Variants in CDKN2B-AS1 observed in about 807,000 individuals in gnomAD.
CDKN2B-AS1 encodes CDKN2B antisense RNA 1 (non-protein coding).
chr9:22,068,628 G>C (rs1266420089), intron 4 of CDKN2B-AS1, among the ~76,000 whole-genome samples: 1 of 152,138 alleles, frequency 6.6e-6, no homozygotes, highest in African/African-American at 2.4e-5. Flanking sequence ...GTAGTGTGTG[G>C]TCTTTAAGTG....
At chr9:22,127,546 C>T (rs1226494521) in exon 5 of CDKN2B-AS1, among the ~76,000 whole-genome samples, 1 of 152,098 alleles carries the variant, frequency 6.6e-6, no homozygotes, top group African/African-American at 2.4e-5. Context: ...CATTGTTTAA[C>T]AGAGAAGGAT....
intron 4 of CDKN2B-AS1, among the ~76,000 whole-genome samples, chr9:22,083,460 T>C (rs1824767390): frequency 6.6e-6 from 1 of 152,240 alleles, no homozygotes; most frequent in African/African-American, 2.4e-5. Context: ...GAAGGTATAC[T>C]ACAACAGTGG....
At chr9:22,068,556 C>A (rs1370801036) in intron 4 of CDKN2B-AS1, among the ~76,000 whole-genome samples, 2 of 152,130 alleles carry the variant, frequency 1.3e-5, no homozygotes, top group African/African-American at 4.8e-5. Flanking sequence ...GGTGTAGTTT[C>A]TGTAGCAGAA....
At chr9:22,021,780 A>C (rs1475728472) in intron 1 of CDKN2B-AS1, among the ~76,000 whole-genome samples, 1 of 151,978 alleles carries the variant, frequency 6.6e-6, no homozygotes, top group African/African-American at 2.4e-5. Context: ...GGATGCCTTT[A>C]TTTCTTTCTC....
chr9:22,109,745 C>G (rs1447347557), intron 4 of CDKN2B-AS1, among the ~76,000 whole-genome samples: 1 of 152,062 alleles, frequency 6.6e-6, no homozygotes, highest in Non-Finnish European at 1.5e-5. Flanking sequence ...AGAGATCATT[C>G]AAAAGTATTA....
chr9:22,025,866 C>G (rs1010155913), intron 1 of CDKN2B-AS1, among the ~76,000 whole-genome samples: 6 of 152,184 alleles, frequency 3.9e-5, no homozygotes, highest in Non-Finnish European at 7.4e-5. Flanking sequence ...TTGTGCCATA[C>G]TGGGGGTATG....
In CDKN2B-AS1 at chr9:22,093,654, T is replaced by G. The variant is rs569438829; in HGVS notation, n.439-33449T>G. On this transcript the variant is annotated intron_variant and non_coding_transcript_variant, in intron 4 of 4. Coordinates refer to ENST00000650946, the Ensembl canonical transcript of CDKN2B-AS1. ...TAGGATTGCAACCCCTGCCTTTTTT[T>G]GTTTTCCATTTGCTTGGTAGATCTT... Among the ~76,000 whole-genome samples the G allele has an allele frequency of 2.8e-4, 40 of 140,982 alleles. 1 individual carries two copies. Among genetic ancestry groups the G allele is most frequent in the South Asian group, 2.6e-3 (12 of 4,566 alleles). 92.5% of individuals were successfully genotyped at this position (140,982 alleles called of 152,430 possible). A position where few individuals can be genotyped will look rare whatever the true frequency, so the allele number is the denominator to read the frequency against.
chr9:22,082,704 G>A (rs377525941), intron 4 of CDKN2B-AS1, among the ~76,000 whole-genome samples: 2 of 152,148 alleles, frequency 1.3e-5, no homozygotes, highest in African/African-American at 4.8e-5. Flanking sequence ...TAGTAAATTG[G>A]GAACTATAGA....
At chr9:22,028,726 T>C (rs1327122236) in intron 1 of CDKN2B-AS1, among the ~76,000 whole-genome samples, 1 of 152,168 alleles carries the variant, frequency 6.6e-6, no homozygotes, top group African/African-American at 2.4e-5. Flanking sequence ...ATCAGATTCA[T>C]TTATAAAACA....
intron 4 of CDKN2B-AS1, among the ~76,000 whole-genome samples, chr9:22,082,753 G>A (rs1455916621): frequency 2.0e-5 from 3 of 152,196 alleles, no homozygotes; most frequent in Admixed American, 1.3e-4. Context: ...TTCATGTAGA[G>A]TGAGGATACC....
chr9:22,069,909 A>T (rs1162661140), intron 4 of CDKN2B-AS1, among the ~76,000 whole-genome samples: 3 of 151,894 alleles, frequency 2.0e-5, no homozygotes, highest in African/African-American at 7.3e-5. Flanking sequence ...TGCCGCCCAG[A>T]CTGGAGTGCA....
chr9:22,066,728 T>G (rs975692939), intron 4 of CDKN2B-AS1, among the ~76,000 whole-genome samples: 1 of 151,944 alleles, frequency 6.6e-6, no homozygotes, highest in African/African-American at 2.4e-5. Context: ...AGAGTTACCA[T>G]CGGGTCTTAG....
intron 1 of CDKN2B-AS1, among the ~76,000 whole-genome samples, chr9:22,018,251 G>C (rs1338679338): frequency 6.6e-6 from 1 of 151,800 alleles, no homozygotes; most frequent in Non-Finnish European, 1.5e-5. Context: ...TTGAACCCAG[G>C]AGGCAGAGGT....
chr9:22,112,602 G>C (rs2131368798), intron 4 of CDKN2B-AS1, among the ~76,000 whole-genome samples: 1 of 152,318 alleles, frequency 6.6e-6, no homozygotes, highest in South Asian at 2.1e-4. Context: ...GCAATTTATA[G>C]AAGGTAGTAG....
chr9:22,004,507 G>C, intron 1 of CDKN2B-AS1: 1 of 232,600 alleles, frequency 4.3e-6, no homozygotes, highest in Non-Finnish European at 8.5e-6. Flanking sequence ...CATTTCTCAG[G>C]AGTTAGTGGT....
chr9:22,079,715 G>C (rs377605861), intron 4 of CDKN2B-AS1, among the ~76,000 whole-genome samples: 10 of 151,034 alleles, frequency 6.6e-5, no homozygotes, highest in African/African-American at 2.0e-4. Context: ...CTTTACTCCA[G>C]ATTTTCTTAC....
intron 3 of CDKN2B-AS1, among the ~76,000 whole-genome samples, chr9:22,055,595 TA>T (rs954787893): frequency 6.6e-6 from 1 of 152,290 alleles, no homozygotes; most frequent in East Asian, 1.9e-4. Flanking sequence ...AATATAACTT[TA>T]AAAAAACCTT....
intron 1 of CDKN2B-AS1, among the ~76,000 whole-genome samples, chr9:22,028,271 A>G (rs1004293852): frequency 6.6e-6 from 1 of 152,154 alleles, no homozygotes; most frequent in Admixed American, 6.5e-5. Flanking sequence ...TAAAACCACT[A>G]TCTCAATAAT....
intron 1 of CDKN2B-AS1, among the ~76,000 whole-genome samples, chr9:22,015,001 G>C (rs980518024): frequency 1.3e-5 from 2 of 151,918 alleles, no homozygotes; most frequent in Admixed American, 6.6e-5. Flanking sequence ...TCTTAATCCA[G>C]TCTATCATTG....
Sources: allele counts gnomAD v4.1 joint callset (sites outside exome capture counted in the v4.1 genomes callset), GRCh38; gene constraint gnomAD v4.1.1; transcripts MANE v1.5; gene names NCBI Gene and HGNC (gene_info 2026-07-23, HGNC 2026-07-21).